Variants in TTC19 observed in about 807,000 individuals in gnomAD.
The protein encoded by TTC19 is tetratricopeptide repeat domain 19, also known as tetratricopeptide repeat protein 19, mitochondrial.
A neutral mutation model predicts 49.5 loss-of-function variants in TTC19; 38 were observed. That is an observed-to-expected ratio of 0.77 (90% CI 0.59 to 1.01). The LOEUF is 1.01. Ranked by LOEUF, TTC19 falls within the 50% of genes least tolerant of loss-of-function variation. The pLI, the probability that TTC19 is intolerant of heterozygous loss-of-function variation, is 0.00. For synonymous variants in TTC19, 204 were observed against 185.2 expected, an observed-to-expected ratio of 1.10 and a Z score of -0.83; for missense variants, 475 against 477.7, an observed-to-expected ratio of 0.99 and a Z score of 0.05.
chr17:16,035,068 G>A lies in TTC19; in HGVS notation c.247+8366G>A. On this transcript the variant is annotated intron_variant, in intron 2 of 2. Transcript: ENST00000470649. ...TGGTAACATGAAGAATCCAGATCCT[G>A]GTACTCAATGAAATAAAATACTACA... is the stretch of plus-strand genomic sequence containing the variant. The A allele has an allele frequency of 4.6e-6, 4 of 867,794 alleles. No homozygotes were observed. The South Asian group carries it at 5.6e-5, about 12-fold the overall frequency. 53.8% of individuals were successfully genotyped at this position (867,794 alleles called of 1,614,324 possible).
chr17:16,025,874 T>C (rs760681667), intron 8 of TTC19, among the ~76,000 whole-genome samples: 5 of 152,114 alleles, frequency 3.3e-5, no homozygotes, highest in Non-Finnish European at 7.4e-5. Flanking sequence ...GAGCTATGAA[T>C]TATCTCCATG....
chr17:16,020,678 A>AC, intron 7 of TTC19, among the ~76,000 whole-genome samples: 1 of 150,594 alleles, frequency 6.6e-6, no homozygotes, highest in African/African-American at 2.4e-5. Flanking sequence ...ACTACCCCCC[A>AC]CCCCCCAAGA....
chr17:16,004,217 T>C lies in TTC19; in HGVS notation c.536T>C (p.Ile179Thr). The C allele has an allele frequency of 6.2e-7, 1 of 1,614,196 alleles. No individual in the cohort carries two copies. Among genetic ancestry groups the C allele is most frequent in the Non-Finnish European group, 8.5e-7 (1 of 1,180,012 alleles). Reference sequence around the variant, plus strand: ...CTCTCACAGGAGGACAATGCAATAATTGAAATTTCCCTAAAGCTGGCCAGT... The same window carrying C: ...CTCTCACAGGAGGACAATGCAATAACTGAAATTTCCCTAAAGCTGGCCAGT... ...GGMKQEDNAI[I>T]EISLKLASIY... is the part of the protein sequence containing the mutation. The change falls in exon 6 of 10, where the codon ATT becomes ACT. Residue 179 changes from isoleucine (I) to threonine (T), a missense_variant. Physicochemically the swap from Ile to Thr is moderately conservative, Grantham distance 89. Transcript: ENST00000261647.
chr17:16,002,712 A>C, intron 3 of TTC19, 81 bp from the exon 4 acceptor site: 1 of 1,391,030 alleles, frequency 7.2e-7, no homozygotes, highest in Non-Finnish European at 1.0e-6. Flanking sequence ...TGAGGGTGAA[A>C]GCAAAAGGGA....
intron 2 of TTC19, among the ~76,000 whole-genome samples, chr17:16,038,210 A>G (rs1296789773): frequency 1.3e-5 from 2 of 152,220 alleles, no homozygotes; most frequent in Non-Finnish European, 2.9e-5. Flanking sequence ...GAAAAGCACA[A>G]GAGATATTCT....
At chr17:16,035,669 G>A (rs1974319919) in intron 2 of TTC19, among the ~76,000 whole-genome samples, 1 of 151,474 alleles carries the variant, frequency 6.6e-6, no homozygotes, top group Non-Finnish European at 1.5e-5. Context: ...TCAGACCCAA[G>A]TAGCTGGGAC....
At chr17:16,037,347 C>G (rs1009413190) in intron 2 of TTC19, among the ~76,000 whole-genome samples, 2 of 151,818 alleles carry the variant, frequency 1.3e-5, no homozygotes, top group Non-Finnish European at 2.9e-5. Flanking sequence ...AAAGGAGAGC[C>G]CATGCTATTA....
intron 2 of TTC19, chr17:16,039,384 G>A: frequency 6.4e-7 from 1 of 1,556,044 alleles, no homozygotes; most frequent in East Asian, 2.3e-5. Flanking sequence ...GAAATAAACT[G>A]GCTTTTTTGG....
At chr17:16,037,211 T>C (rs7224403) in intron 2 of TTC19, among the ~76,000 whole-genome samples, 14,705 of 152,140 alleles carry the variant, frequency 0.097, 1,484 homozygotes, top group African/African-American at 0.25. Flanking sequence ...CTTATACAGG[T>C]GCTCCTCATG....
At chr17:16,021,874 G>C (rs933717335) in intron 7 of TTC19, among the ~76,000 whole-genome samples, 1 of 152,184 alleles carries the variant, frequency 6.6e-6, no homozygotes, top group Non-Finnish European at 1.5e-5. Context: ...TGAGATTCCA[G>C]AATAGTTTTG....
At chr17:16,033,084 G>A (rs1972608009), downstream of TTC19, among the ~76,000 whole-genome samples, 1 of 152,048 alleles carries the variant, frequency 6.6e-6, no homozygotes, top group Non-Finnish European at 1.5e-5. Flanking sequence ...AGTGGCTCAC[G>A]CCTGTAATCC....
At position 16,000,051 on chromosome 17, in the gene TTC19, G is replaced by GCGGGGCCGGC. The variant is rs1970668605; in HGVS notation, c.184+24_184+33dup. On this transcript the variant is annotated intron_variant, in intron 1 of 9. Transcript: ENST00000261647. ...CTGGCAGGTGAGGGGCGCGGGCCGG[G>GCGGGGCCGGC]CGGGGCCGGCCGGGCGGGGACAGGG... 2.3e-6 allele frequency: 3 copies of GCGGGGCCGGC among 1,280,808 alleles called. No individual in the cohort carries two copies. The highest frequency in any genetic ancestry group is 4.4e-5 in the Admixed American group (1 of 22,836). The allele number at this position is 1,280,808 out of a possible 1,614,324, so 79.3% of individuals were successfully genotyped here. A position where few individuals can be genotyped will look rare whatever the true frequency, so the allele number is the denominator to read the frequency against.
At chr17:16,004,398 C>G (rs1414040288) in intron 6 of TTC19, 136 bp downstream of exon 6, 2 of 854,764 alleles carry the variant, frequency 2.3e-6, no homozygotes. Flanking sequence ...CATCCCTCAT[C>G]TTTGAAATTG....
chr17:16,040,647 T>C, intron 2 of TTC19: 1 of 768,100 alleles, frequency 1.3e-6, no homozygotes, highest in Non-Finnish European at 2.1e-6. Context: ...AAAATGGAAG[T>C]ATTTTTTTTT....
rs569876529 is a variant in TTC19, at chr17:16,042,625, T to C, written c.248-1878T>C. Among the ~76,000 whole-genome samples the C allele has an allele frequency of 3.9e-5, 6 of 152,304 alleles. No homozygotes were observed. In the South Asian group the frequency reaches 1.2e-3, roughly 32 times the overall value. ...AAGAATGTGGTAACTGCTCAGAAAT[T>C]AGCAGAATGGAAGGTAGACATGTGA... On this transcript the variant is annotated intron_variant, in intron 2 of 2. Coordinates refer to the TTC19 transcript ENST00000470649.
At chr17:16,023,322 C>T (rs1971441531) in intron 7 of TTC19, 1 of 152,222 alleles carries the variant, frequency 6.6e-6, no homozygotes, top group African/African-American at 2.4e-5. Flanking sequence ...CAAGTTTCCA[C>T]TAGAATTGCT....
rs577552012 is a variant in TTC19 at position 16,021,123 on chromosome 17, C to T, written c.677-3894C>T. 4.6e-5 allele frequency among the ~76,000 whole-genome samples: 7 copies of T among 152,324 alleles called. No homozygotes were observed. In the South Asian group the frequency reaches 1.2e-3, roughly 27 times the overall value. ...AGAAAGTTGGCTGGGCGCAGTGGCT[C>T]ACGCCTGTAATCCCAGCACTTTGGG... On this transcript the variant is annotated intron_variant, in intron 7 of 9. Transcript: ENST00000261647.
At chr17:16,014,992 C>A (rs1971172515) in intron 7 of TTC19, among the ~76,000 whole-genome samples, 2 of 152,134 alleles carry the variant, frequency 1.3e-5, no homozygotes, top group Admixed American at 1.3e-4. Flanking sequence ...CTGTGTAGTG[C>A]TGGATAATAT....
intron 7 of TTC19, among the ~76,000 whole-genome samples, chr17:16,009,638 G>A (rs1345177388): frequency 6.6e-6 from 1 of 151,954 alleles, no homozygotes; most frequent in Non-Finnish European, 1.5e-5. Flanking sequence ...TCTAGAAAAG[G>A]AATTCCTACC....
Sources: gnomAD v4.1 joint callset for allele counts (sites outside exome capture counted in the v4.1 genomes callset) on GRCh38, gnomAD v4.1.1 for gene constraint, MANE v1.5 for transcripts, NCBI Gene and HGNC (gene_info 2026-07-23, HGNC 2026-07-21) for gene names.